The following KDM4C variants were observed in gnomAD, a reference collection of about 807,000 sequenced individuals.
KDM4C encodes lysine-specific demethylase 4C.
In KDM4C, 81 loss-of-function variants were observed where a neutral mutation model predicts 129.3. The observed-to-expected ratio is 0.63, with a 90% CI of 0.52 to 0.75. The LOEUF (loss-of-function observed/expected upper bound fraction) is 0.75. Ranked by LOEUF, KDM4C falls within the 30% of genes least tolerant of loss-of-function variation. KDM4C has a pLI of 0.00. For missense variants in KDM4C, 1,457 were observed against 1,304.0 expected (o/e 1.12, Z -1.81); for synonymous variants, 573 against 456.1 (o/e 1.26, Z -3.26).
chr9:6,856,399 T>C (rs1272014535), intron 5 of KDM4C, among the ~76,000 whole-genome samples: 1 of 152,160 alleles, frequency 6.6e-6, no homozygotes, highest in Non-Finnish European at 1.5e-5. Context: ...TTAACCATGG[T>C]TCATTTTGGT....
In KDM4C at chr9:7,123,020, C is replaced by T. The variant is rs184334337; in HGVS notation, c.2611-5046C>T. Among the ~76,000 whole-genome samples the T allele has an allele frequency of 4.6e-3, 701 of 152,300 alleles. 4 individuals are homozygous for T. Among genetic ancestry groups the T allele is most frequent in the African/African-American group, 0.016 (668 of 41,576 alleles). Reference sequence around the variant, plus strand: ...CAGTTATGGGGTATGCTTGTCAATACATTTTTCCTGCAAAAATAAATCAGA... The same window carrying T: ...CAGTTATGGGGTATGCTTGTCAATATATTTTTCCTGCAAAAATAAATCAGA... On this transcript the variant is annotated intron_variant, in intron 18 of 21. Coordinates refer to ENST00000381309, the MANE Select transcript of KDM4C (RefSeq NM_015061.6).
At chr9:6,829,826 G>C (rs2131304612) in intron 4 of KDM4C, among the ~76,000 whole-genome samples, 1 of 152,290 alleles carries the variant, frequency 6.6e-6, no homozygotes, top group South Asian at 2.1e-4. Flanking sequence ...TCTATTGGAA[G>C]CCCAGTTCCT....
intron 4 of KDM4C, among the ~76,000 whole-genome samples, chr9:6,826,200 G>A (rs953156000): frequency 6.7e-6 from 1 of 149,708 alleles, no homozygotes. Context: ...TGCTATGCTC[G>A]TACTAGGTGG....
At chr9:7,031,555 G>C (rs778339316) in intron 15 of KDM4C, among the ~76,000 whole-genome samples, 1 of 152,018 alleles carries the variant, frequency 6.6e-6, no homozygotes, top group African/African-American at 2.4e-5. Flanking sequence ...TACAAAGAAT[G>C]GAATATACAA....
chr9:6,818,148 G>A (rs909381524), intron 4 of KDM4C, among the ~76,000 whole-genome samples: 4 of 152,100 alleles, frequency 2.6e-5, no homozygotes, highest in East Asian at 1.9e-4. Flanking sequence ...GATTGCATGC[G>A]TGTTCATGTT....
At chr9:7,008,440 C>T (rs1046021624) in intron 12 of KDM4C, among the ~76,000 whole-genome samples, 1 of 152,184 alleles carries the variant, frequency 6.6e-6, no homozygotes, top group Non-Finnish European at 1.5e-5. Flanking sequence ...AGACTCCAGG[C>T]TCACTCCAGA....
intron 8 of KDM4C, among the ~76,000 whole-genome samples, chr9:6,969,179 G>C (rs1292505921): frequency 6.6e-6 from 1 of 152,140 alleles, no homozygotes; most frequent in African/African-American, 2.4e-5. Context: ...CAAGTGATCT[G>C]CCTGCGTCTG....
At chr9:6,885,273 T>G (rs188538982) in intron 6 of KDM4C, among the ~76,000 whole-genome samples, 1 of 152,236 alleles carries the variant, frequency 6.6e-6, no homozygotes, top group Non-Finnish European at 1.5e-5. Flanking sequence ...TCATACTATG[T>G]GTAGACTTGT....
At chr9:7,113,938 G>A (rs541482739) in intron 18 of KDM4C, among the ~76,000 whole-genome samples, 1 of 152,136 alleles carries the variant, frequency 6.6e-6, no homozygotes, top group East Asian at 1.9e-4. Context: ...CTTCTTTACT[G>A]CTTGCCACTT....
chr9:6,841,540 T>A (rs1836912280), intron 4 of KDM4C, among the ~76,000 whole-genome samples: 1 of 152,206 alleles, frequency 6.6e-6, no homozygotes. Context: ...AGTTTATCAA[T>A]TTTTCTGTAG....
At chr9:6,757,679 G>T (rs762199619), upstream of KDM4C, 23 of 985,502 alleles carry the variant, frequency 2.3e-5, no homozygotes, top group Non-Finnish European at 2.7e-5. Flanking sequence ...GACGTGTGGC[G>T]CGTGGACTAC....
chr9:7,076,815 C>A, intron 17 of KDM4C: 5 of 1,020,344 alleles, frequency 4.9e-6, no homozygotes, highest in Non-Finnish European at 5.9e-6. Flanking sequence ...TGTCCTACTA[C>A]AGCCTCAAAA....
intron 17 of KDM4C, chr9:7,076,464 TAAC>T: frequency 1.9e-6 from 3 of 1,542,186 alleles, no homozygotes; most frequent in Admixed American, 2.0e-5. Flanking sequence ...ACAGCAACAG[TAAC>T]AACAACAACA....
Position 6,856,539 on chromosome 9 carries a change from C to CGTGTGTGTGTGTGTGT in KDM4C, c.629+6866_629+6881dup, listed in dbSNP as rs201267627. On this transcript the variant is annotated intron_variant, in intron 5 of 21. Coordinates refer to ENST00000381309, the MANE Select transcript of KDM4C (RefSeq NM_015061.6). ...TTTTAGGCATATCTCTCTCTGTGTG[C>CGTGTGTGTGTGTGTGT]GTGTGTGTGTGTGTGTGTGTGTGTG... Among the ~76,000 whole-genome samples, 20 of 131,598 alleles carry CGTGTGTGTGTGTGTGT rather than the reference C, an allele frequency of 1.5e-4. 1 individual carries two copies. In the East Asian group the frequency reaches 3.6e-3, roughly 23 times the overall value. 86.3% of individuals were successfully genotyped at this position (131,598 alleles called of 152,430 possible).
At chr9:6,815,484 G>A (rs62568864) in intron 4 of KDM4C, among the ~76,000 whole-genome samples, 11,195 of 152,008 alleles carry the variant, frequency 0.074, 599 homozygotes, top group Non-Finnish European at 0.11. Flanking sequence ...TAAAGTGCTG[G>A]GATTAGAGGT....
chr9:6,837,799 T>C (rs910535072), intron 4 of KDM4C, among the ~76,000 whole-genome samples: 3 of 152,224 alleles, frequency 2.0e-5, no homozygotes, highest in African/African-American at 7.2e-5. Flanking sequence ...TTGTCTTATT[T>C]ACAATGTCTT....
intron 8 of KDM4C, among the ~76,000 whole-genome samples, chr9:6,950,398 C>G (rs1412552978): frequency 2.6e-5 from 4 of 151,776 alleles, no homozygotes; most frequent in Admixed American, 2.6e-4. Flanking sequence ...TTTTATTTTT[C>G]CCTGTCTTTG....
intron 18 of KDM4C, among the ~76,000 whole-genome samples, chr9:7,107,695 C>T (rs1323042603): frequency 3.9e-5 from 6 of 152,084 alleles, no homozygotes; most frequent in Non-Finnish European, 1.5e-5. Context: ...GCTTTAGAAA[C>T]CTTAGAAGTC....
intron 2 of KDM4C, among the ~76,000 whole-genome samples, chr9:6,796,470 A>G (rs1268409177): frequency 6.6e-6 from 1 of 152,116 alleles, no homozygotes; most frequent in Admixed American, 6.6e-5. Context: ...TTTCCGGAAA[A>G]CATGTACTGT....
Sources: gnomAD v4.1 joint callset for allele counts (sites outside exome capture counted in the v4.1 genomes callset) on GRCh38, gnomAD v4.1.1 for gene constraint, MANE v1.5 for transcripts, NCBI Gene and HGNC (gene_info 2026-07-23, HGNC 2026-07-21) for gene names.